The following PLK5 variants were observed in gnomAD, a reference collection of about 807,000 sequenced individuals.
PLK5 encodes inactive serine/threonine-protein kinase PLK5.
A neutral mutation model predicts 33.7 loss-of-function variants in PLK5; 28 were observed. The observed-to-expected ratio is 0.83, with a 90% CI of 0.62 to 1.14. The LOEUF (loss-of-function observed/expected upper bound fraction) is 1.14. Ranked by LOEUF, PLK5 falls within the 50% of genes most tolerant of loss-of-function variation. The pLI is 0.00. For synonymous variants in PLK5, 225 were observed against 202.2 expected, an observed-to-expected ratio of 1.11 and a Z score of -0.96; for missense variants, 492 against 461.5, an observed-to-expected ratio of 1.07 and a Z score of -0.61.
chr19:1,533,216 C>T (rs779333896), intron 12 of PLK5, among the ~76,000 whole-genome samples: 27 of 152,014 alleles, frequency 1.8e-4, no homozygotes, highest in East Asian at 1.2e-3. Context: ...ATCCCGGGAT[C>T]GGGGTAGCTG....
At chr19:1,530,525 C>G (rs1048928914) in intron 11 of PLK5, among the ~76,000 whole-genome samples, 8 of 151,576 alleles carry the variant, frequency 5.3e-5, no homozygotes, top group African/African-American at 1.9e-4. Flanking sequence ...TCTCGAACTC[C>G]TGACCTCCGG....
Position 1,524,566 on chromosome 19 carries a change from G to T in PLK5, c.-544+320G>T, listed in dbSNP as rs1248343593. On this transcript the variant is annotated intron_variant, in intron 1 of 13. Coordinates refer to ENST00000454744, the MANE Select transcript of PLK5 (RefSeq NM_001243079.2). The surrounding 1 kb of genome is among the most constrained non-coding windows in gnomAD (Gnocchi z 4.5). ...GTCTGAGTGTGCCGCGTCTGTGCCC[G>T]CTGCTTCCAAGTGTCTGGGTGCTGT... 2.0e-5 allele frequency among the ~76,000 whole-genome samples: 3 copies of T among 151,946 alleles called. No homozygotes were observed. Among genetic ancestry groups the T allele is most frequent in the Admixed American group, 6.6e-5 (1 of 15,248 alleles).
At chr19:1,525,168 GTGT>G (rs1254635174) in intron 1 of PLK5, 134 bp from the exon 2 acceptor site, 4 of 152,964 alleles carry the variant, frequency 2.6e-5, no homozygotes, top group Non-Finnish European at 5.9e-5. Flanking sequence ...TGGGAGCTGT[GTGT>G]TGTTTTTTCC....
In PLK5 at chr19:1,531,843, G is replaced by A. The variant is rs751542106; in HGVS notation, c.674G>A (p.Arg225His). ...GGCTACCAGCTCTTGGACGGGGGGCGCACGGGACGGCACCCACATGGCCCT... is the reference window on the plus strand; with the variant it reads ...GGCTACCAGCTCTTGGACGGGGGGCACACGGGACGGCACCCACATGGCCCT... ...GFGYQLLDGG[R>H]TGRHPHGPAT... Residue 225 changes from arginine to histidine, a missense_variant, in exon 12 of 14, where the codon CGC (arginine) becomes CAC (histidine). Transcript: ENST00000454744. 198 of 1,524,686 alleles carry A rather than the reference G, an allele frequency of 1.3e-4. No homozygotes were observed. The highest frequency in any genetic ancestry group is 1.8e-4 in the Admixed American group (9 of 49,798). 94.4% of individuals were successfully genotyped at this position (1,524,686 alleles called of 1,614,324 possible).
At chr19:1,527,478 T>C in intron 6 of PLK5, among the ~76,000 whole-genome samples, 1 of 152,078 alleles carries the variant, frequency 6.6e-6, no homozygotes, top group East Asian at 1.9e-4. Context: ...GGTGTGCACC[T>C]GTAGTCCCAG....
chr19:1,529,875 A>C, intron 11 of PLK5, 51 bp downstream of exon 11: 1 of 1,505,816 alleles, frequency 6.6e-7, no homozygotes, highest in Non-Finnish European at 8.9e-7. Flanking sequence ...CTAGCCAAGT[A>C]AAATTGCCTT....
chr19:1,534,458 G>T (rs949840746), intron 13 of PLK5, among the ~76,000 whole-genome samples: 8 of 143,208 alleles, frequency 5.6e-5, no homozygotes, highest in African/African-American at 1.8e-4. Flanking sequence ...AGTGAGCCGA[G>T]ATCACGCCAC....
chr19:1,530,567 G>A (rs901195307), intron 11 of PLK5, among the ~76,000 whole-genome samples: 8 of 147,094 alleles, frequency 5.4e-5, no homozygotes, highest in African/African-American at 1.3e-4. Flanking sequence ...CCAAAGTGCT[G>A]GGATTACAGA....
rs993204694 is a variant in PLK5, at chr19:1,528,150, C to T, written c.201+16C>T. The stretch of plus-strand genomic sequence containing the variant: ...CTTCACACAGGTGGGCGGCGGTCCT[C>T]GGCGTGGGGTCCCTGGCGTGGGGTC... On this transcript the variant is annotated intron_variant, in intron 7 of 13. Coordinates refer to ENST00000454744, the MANE Select transcript of PLK5 (RefSeq NM_001243079.2). 19 of 1,509,874 alleles carry T rather than the reference C, an allele frequency of 1.3e-5. No individual in the cohort carries two copies. The highest frequency in any genetic ancestry group is 5.0e-5 in the East Asian group (2 of 40,306). The allele number at this position is 1,509,874 out of a possible 1,614,324, so 93.5% of individuals were successfully genotyped here.
In PLK5 at chr19:1,533,963, T is replaced by C; in HGVS notation, c.747T>C (p.Ala249=). 1 of 1,534,782 alleles carries C rather than the reference T, an allele frequency of 6.5e-7. No homozygotes were observed. The highest frequency in any genetic ancestry group is 1.2e-5 in the South Asian group (1 of 83,996). ...EGTLPTPVPP[A]GPGLCLLRFL... The stretch of plus-strand genomic sequence containing the variant: ...CCCTCCCCACACCTGTGCCACCTGC[T>C]GGACCCGGCCTCTGCCTCCTGCGCT... The change falls in exon 13 of 14, where the codon GCT becomes GCC. Residue 249 remains alanine, a synonymous_variant. Transcript: ENST00000454744.
chr19:1,535,130 C>T lies in PLK5; in HGVS notation c.891C>T (p.Thr297=). Residue 297 remains threonine, a synonymous_variant, in exon 14 of 14, where the codon ACC becomes ACT. Coordinates refer to ENST00000454744, the MANE Select transcript of PLK5 (RefSeq NM_001243079.2). The part of the protein sequence containing the change: ...LSGEGEGLQL[T]LWEQGSPGTS... ...GCGAGGGTGAGGGTTTGCAGCTCACCCTCTGGGAGCAGGGGTCCCCTGGCA... is the reference window on the plus strand; with the variant it reads ...GCGAGGGTGAGGGTTTGCAGCTCACTCTCTGGGAGCAGGGGTCCCCTGGCA... 2 of 1,535,790 alleles carry T rather than the reference C, an allele frequency of 1.3e-6. No individual in the cohort carries two copies. Among genetic ancestry groups the T allele is most frequent in the Middle Eastern group, 1.7e-4 (1 of 5,982 alleles).
Position 1,524,114 on chromosome 19 carries a change from G to A in PLK5, c.-676G>A, listed in dbSNP as rs567702382. ...GAGCGGCCGCAGCGCGGTGGTCTCG[G>A]CCCGGCTGCGCCAGAGTCCGCGCGA... On this transcript the variant is annotated 5_prime_UTR_variant, in exon 1 of 14. Transcript: ENST00000454744. This position sits in a 1 kb window ranked among gnomAD's most constrained non-coding sequence, Gnocchi z 4.5. 2.5e-3 allele frequency: 384 copies of A among 151,176 alleles called. 1 individual carries two copies. The highest frequency in any genetic ancestry group is 8.3e-3 in the African/African-American group (346 of 41,442). 9.4% of individuals were successfully genotyped at this position (151,176 alleles called of 1,614,324 possible).
chr19:1,528,781 A>ACCTGCCCACAC, intron 8 of PLK5, 117 bp from the exon 9 acceptor site: 2 of 890,718 alleles, frequency 2.2e-6, no homozygotes, highest in East Asian at 2.8e-5. Flanking sequence ...CCTGCCCACA[A>ACCTGCCCACAC]CTGCCACCTG....
Position 1,527,015 on chromosome 19 carries a change from A to T in PLK5, c.2+17A>T. ...CTGCATCATGTGAGTGGGGTCCTGG[A>T]GAAGGTGGGCAGGGCCTCCGGGGGG... On this transcript the variant is annotated intron_variant, in intron 6 of 13. Transcript: ENST00000454744. The T allele has an allele frequency of 7.2e-7, 1 of 1,391,548 alleles. No individual in the cohort carries two copies. The highest frequency in any genetic ancestry group is 1.3e-5 in the South Asian group (1 of 78,330). The allele number at this position is 1,391,548 out of a possible 1,614,324, so 86.2% of individuals were successfully genotyped here.
At position 1,535,391 on chromosome 19, in the gene PLK5, T is replaced by C. The variant is rs539130852; in HGVS notation, c.*141T>C. 1.1e-5 allele frequency: 10 copies of C among 897,668 alleles called. No individual in the cohort carries two copies. The highest frequency in any genetic ancestry group is 1.6e-5 in the Non-Finnish European group (10 of 622,164). 55.6% of individuals were successfully genotyped at this position (897,668 alleles called of 1,614,324 possible). On this transcript the variant is annotated 3_prime_UTR_variant, in exon 14 of 14. Transcript: ENST00000454744. ...GGAGGTGGGTTCTTGCCTTGTGGCA[T>C]GACTGTTCAACCCAGACTTTGCTGG...
At chr19:1,529,595 C>G in intron 10 of PLK5, 105 bp downstream of exon 10, 1 of 1,420,808 alleles carries the variant, frequency 7.0e-7, no homozygotes, top group South Asian at 1.2e-5. Flanking sequence ...GCCGCCGTCC[C>G]GGCCTCACCT....
At position 1,526,710 on chromosome 19, in the gene PLK5, TCTTC is replaced by T. The variant is rs757624334; in HGVS notation, c.-172_-169del. The T allele has an allele frequency of 4.0e-6, 2 of 502,378 alleles. No individual in the cohort carries two copies. The highest frequency in any genetic ancestry group is 3.7e-5 in the East Asian group (1 of 26,974). 31.1% of individuals were successfully genotyped at this position (502,378 alleles called of 1,614,324 possible). ...ATGCCCCTCCCACTGCCAGGTAACT[TCTTC>T]CTTAACAAGAACATGGAGGTGAAGA... On this transcript the variant is annotated 5_prime_UTR_variant, in exon 5 of 14. The change creates a premature stop within an existing upstream ORF in the 5' untranslated region. Transcript: ENST00000454744.
intron 1 of PLK5, chr19:1,525,022 C>G (rs540605220): frequency 6.5e-6 from 1 of 152,716 alleles, no homozygotes; most frequent in Non-Finnish European, 1.5e-5. Flanking sequence ...GTTTGTGTGT[C>G]GTATTCAGGC....
Position 1,531,893 on chromosome 19 carries a change from G to T in PLK5, c.714+10G>T. ...TGCGACCCCCCGGAGGGTAAGTTGT[G>T]GCCTCCTGTGCCCTGGGGGACCAGG... On this transcript the variant is annotated intron_variant, in intron 12 of 13. Transcript: ENST00000454744. 6.8e-7 allele frequency: 1 copy of T among 1,471,072 alleles called. No individual in the cohort carries two copies. Among genetic ancestry groups the T allele is most frequent in the South Asian group, 1.4e-5 (1 of 73,878 alleles). The allele number at this position is 1,471,072 out of a possible 1,614,324, so 91.1% of individuals were successfully genotyped here. A position where few individuals can be genotyped will look rare whatever the true frequency, so the allele number is the denominator to read the frequency against.
Sources: allele counts gnomAD v4.1 joint callset (sites outside exome capture counted in the v4.1 genomes callset), GRCh38; gene constraint gnomAD v4.1.1; non-coding constraint Gnocchi (gnomAD v3.1); transcripts MANE v1.5; gene names NCBI Gene and HGNC (gene_info 2026-07-23, HGNC 2026-07-21).